ZNF385D: variants seen among roughly 807,000 people sequenced by gnomAD.
ZNF385D encodes zinc finger protein 659.
In ZNF385D, 15 loss-of-function variants were observed where a neutral mutation model predicts 35.8. That is an observed-to-expected ratio of 0.42 (90% CI 0.28 to 0.64). ZNF385D has a LOEUF of 0.64. ZNF385D is among the 30% of genes least tolerant of loss of function. The probability of loss-of-function intolerance (pLI) is 0.23; values close to 1 mark genes in which losing one functional copy is unlikely to be tolerated. For synonymous variants in ZNF385D, 212 were observed against 186.8 expected (o/e 1.13, Z -1.10); for missense variants, 474 against 494.6 (o/e 0.96, Z 0.39).
At chr3:21,961,750 T>G (rs1702608023) in intron 3 of ZNF385D, among the ~76,000 whole-genome samples, 1 of 152,136 alleles carries the variant, frequency 6.6e-6, no homozygotes, top group Non-Finnish European at 1.5e-5. Flanking sequence ...GAAAGGCATT[T>G]CTTGAGACAT....
chr3:21,628,752 G>T (rs948483506), intron 2 of ZNF385D, among the ~76,000 whole-genome samples: 1 of 152,038 alleles, frequency 6.6e-6, no homozygotes, highest in African/African-American at 2.4e-5. Context: ...ATTGTGATAA[G>T]CACTCCTGGT....
At chr3:22,355,122 A>G (rs574024955) in intron 2 of ZNF385D, among the ~76,000 whole-genome samples, 124 of 152,196 alleles carry the variant, frequency 8.1e-4, no homozygotes, top group African/African-American at 2.9e-3. Context: ...ATTTTCTGCC[A>G]TATCATGTAT....
intron 3 of ZNF385D, among the ~76,000 whole-genome samples, chr3:21,899,901 TTAAC>T (rs1431806357): frequency 2.6e-5 from 4 of 152,114 alleles, no homozygotes; most frequent in African/African-American, 9.7e-5. Flanking sequence ...TGGAACAACT[TTAAC>T]TAATAAACAG....
chr3:21,782,162 C>A (rs73142803), intron 3 of ZNF385D, among the ~76,000 whole-genome samples: 25,231 of 152,000 alleles, frequency 0.17, 2,329 homozygotes, highest in Non-Finnish European at 0.19. Context: ...TCATGGTGGT[C>A]AATCTCTGCT....
intron 3 of ZNF385D, among the ~76,000 whole-genome samples, chr3:22,073,440 A>G (rs946495911): frequency 7.9e-5 from 12 of 151,890 alleles, no homozygotes; most frequent in African/African-American, 2.9e-4. Flanking sequence ...CTTAGGGGAA[A>G]AGAACTTTAA....
At chr3:21,964,711 C>CGAA (rs1702807818) in intron 3 of ZNF385D, among the ~76,000 whole-genome samples, 1 of 151,256 alleles carries the variant, frequency 6.6e-6, no homozygotes, top group South Asian at 2.1e-4. Flanking sequence ...AGGCTGGTCT[C>CGAA]GAACTCCTGA....
intron 2 of ZNF385D, among the ~76,000 whole-genome samples, chr3:22,325,203 A>G (rs186079227): frequency 7.7e-4 from 118 of 152,322 alleles, no homozygotes; most frequent in Non-Finnish European, 1.4e-3. Context: ...GTTTTATTAG[A>G]TAACTGTTCT....
At chr3:21,697,277 A>G (rs1311528118) in intron 1 of ZNF385D, among the ~76,000 whole-genome samples, 1 of 152,232 alleles carries the variant, frequency 6.6e-6, no homozygotes, top group African/African-American at 2.4e-5. Flanking sequence ...AGTGAATAAC[A>G]TAGATTAATT....
chr3:22,098,080 T>C (rs776990558), intron 3 of ZNF385D, among the ~76,000 whole-genome samples: 7 of 152,014 alleles, frequency 4.6e-5, no homozygotes, highest in Admixed American at 1.3e-4. Context: ...GTGGTGGTAG[T>C]GGTGGTATAT....
At chr3:22,194,193 ATTT>A (rs1275897358) in intron 2 of ZNF385D, among the ~76,000 whole-genome samples, 4 of 151,806 alleles carry the variant, frequency 2.6e-5, no homozygotes, top group Admixed American at 6.6e-5. Context: ...TTGTTGATAA[ATTT>A]TTTATTAATT....
At position 22,296,693 on chromosome 3, in the gene ZNF385D, T is replaced by A. The variant is rs78509045; in HGVS notation, c.106+75757A>T. On this transcript the variant is annotated intron_variant, in intron 2 of 5. Transcript: ENST00000494108. ...CACTCCTTGCTGAATGCTGAATTCC[T>A]TCTTGAAGAGAGCATACCTCTGCAG... Among the ~76,000 whole-genome samples, 1,479 of 152,228 alleles carry A rather than the reference T, an allele frequency of 9.7e-3. 25 individuals carry two copies. The highest frequency in any genetic ancestry group is 0.034 in the African/African-American group (1,421 of 41,560).
intron 3 of ZNF385D, among the ~76,000 whole-genome samples, chr3:21,788,074 T>A (rs2071775662): frequency 6.7e-6 from 1 of 148,804 alleles, no homozygotes; most frequent in South Asian, 2.1e-4. Flanking sequence ...GTGATGCAAA[T>A]GAGCTAAGAA....
intron 3 of ZNF385D, among the ~76,000 whole-genome samples, chr3:21,995,105 C>T (rs548725758): frequency 1.3e-5 from 2 of 152,298 alleles, no homozygotes; most frequent in African/African-American, 4.8e-5. Context: ...GTGTGCATGA[C>T]ATCATTTATA....
chr3:21,632,524 G>A (rs987121093), intron 2 of ZNF385D, among the ~76,000 whole-genome samples: 7 of 152,066 alleles, frequency 4.6e-5, no homozygotes, highest in African/African-American at 1.7e-4. Flanking sequence ...TGCATAAAAT[G>A]CATTAAGTAA....
chr3:21,949,546 C>CTTTTTTTTTTTTTTTT (rs1553705221), intron 3 of ZNF385D, among the ~76,000 whole-genome samples: 1 of 31,162 alleles, frequency 3.2e-5, no homozygotes, highest in African/African-American at 1.4e-4. Context: ...TCCTTCTTTT[C>CTTTTTTTTTTTTTTTT]TTTCTTTCTT....
chr3:22,234,016 T>C (rs1395544993), intron 2 of ZNF385D, among the ~76,000 whole-genome samples: 1 of 152,094 alleles, frequency 6.6e-6, no homozygotes, highest in Non-Finnish European at 1.5e-5. Flanking sequence ...ACAAATCTAC[T>C]CTACTATCTG....
In ZNF385D at chr3:22,139,874, A is replaced by G. The variant is rs932045560; in HGVS notation, c.325+28943T>C. 3.0e-4 allele frequency among the ~76,000 whole-genome samples: 45 copies of G among 152,228 alleles called. 1 individual carries two copies. The highest frequency in any genetic ancestry group is 1.0e-4 in the Non-Finnish European group (7 of 68,044). ...ATTCGTTATTTGGAAAATGTAAATA[A>G]AAGCGTGAAATAAAAGATAGTGAAA... On this transcript the variant is annotated intron_variant, in intron 3 of 5. Coordinates refer to the ZNF385D transcript ENST00000494108.
chr3:22,093,339 CAAATA>C (rs902004849), intron 3 of ZNF385D, among the ~76,000 whole-genome samples: 40 of 151,534 alleles, frequency 2.6e-4, no homozygotes, highest in South Asian at 8.3e-4. Context: ...CATATGGATA[CAAATA>C]AAATATTATT....
At chr3:22,047,638 C>T (rs1333396591) in intron 3 of ZNF385D, among the ~76,000 whole-genome samples, 1 of 152,028 alleles carries the variant, frequency 6.6e-6, no homozygotes, top group African/African-American at 2.4e-5. Flanking sequence ...TTTCTTTATT[C>T]ATTCATCATT....
Sources: allele counts gnomAD v4.1 joint callset (sites outside exome capture counted in the v4.1 genomes callset), GRCh38; gene constraint gnomAD v4.1.1; transcripts MANE v1.5; gene names NCBI Gene and HGNC (gene_info 2026-07-23, HGNC 2026-07-21).